Variants in TAF3 observed in about 807,000 individuals in gnomAD.
The protein encoded by TAF3 is TATA-box binding protein associated factor 3, also known as transcription initiation factor TFIID subunit 3.
Under a neutral mutation model 80.6 loss-of-function variants are expected in TAF3, and 7 were observed. The observed-to-expected ratio is 0.09, with a 90% CI of 0.05 to 0.16. TAF3 has a LOEUF of 0.16. Among genes scored for constraint, TAF3 ranks in the 10% least tolerant of loss-of-function variants. The probability of loss-of-function intolerance (pLI) is 1.00; values close to 1 mark genes in which losing one functional copy is unlikely to be tolerated. For missense variants in TAF3, 921 were observed against 1,140.2 expected, an observed-to-expected ratio of 0.81 and a Z score of 2.77; for synonymous variants, 444 against 446.1, an observed-to-expected ratio of 1.00 and a Z score of 0.06.
chr10:7,939,577 TACACACACACAC>T (rs71385681), intron 2 of TAF3, among the ~76,000 whole-genome samples: 114 of 139,302 alleles, frequency 8.2e-4, no homozygotes, highest in African/African-American at 1.3e-3. Flanking sequence ...AGAAGAAAAC[TACACACACACAC>T]ACACACACAC....
chr10:7,888,331 A>G (rs1243026966), intron 2 of TAF3, among the ~76,000 whole-genome samples: 4 of 152,108 alleles, frequency 2.6e-5, no homozygotes, highest in Non-Finnish European at 5.9e-5. Flanking sequence ...TGCACATAAT[A>G]TGATTCATTG....
intron 2 of TAF3, among the ~76,000 whole-genome samples, chr10:7,930,196 A>G (rs896973367): frequency 4.6e-5 from 7 of 152,216 alleles, no homozygotes; most frequent in Non-Finnish European, 7.3e-5. Flanking sequence ...GCACCCTCTC[A>G]AAACAAACAA....
chr10:7,940,728 G>A (rs1263149614), intron 2 of TAF3, among the ~76,000 whole-genome samples: 1 of 152,160 alleles, frequency 6.6e-6, no homozygotes, highest in Non-Finnish European at 1.5e-5. Flanking sequence ...GCTGAGATGG[G>A]AGGATCATTT....
intron 2 of TAF3, among the ~76,000 whole-genome samples, chr10:7,935,355 T>C (rs1837907377): frequency 6.6e-6 from 1 of 151,852 alleles, no homozygotes; most frequent in Non-Finnish European, 1.5e-5. Flanking sequence ...CTCAGCACTT[T>C]GGGAGGCCGA....
chr10:7,971,321 A>G (rs12782845), intron 3 of TAF3, among the ~76,000 whole-genome samples: 1 of 152,184 alleles, frequency 6.6e-6, no homozygotes, highest in African/African-American at 2.4e-5. Context: ...TCAGCATCCA[A>G]ATGTTAGGTT....
intron 2 of TAF3, among the ~76,000 whole-genome samples, chr10:7,845,243 A>C (rs1008387568): frequency 6.6e-6 from 1 of 151,778 alleles, no homozygotes; most frequent in African/African-American, 2.4e-5. Context: ...GAACTACCAA[A>C]AAAAAAAAAT....
chr10:7,924,430 A>T (rs924188294), intron 2 of TAF3, among the ~76,000 whole-genome samples: 1 of 152,068 alleles, frequency 6.6e-6, no homozygotes, highest in African/African-American at 2.4e-5. Flanking sequence ...TTCATTTGGG[A>T]GTTTGAAATT....
chr10:7,833,331 AT>A, intron 2 of TAF3, among the ~76,000 whole-genome samples: 1 of 152,288 alleles, frequency 6.6e-6, no homozygotes, highest in Non-Finnish European at 1.5e-5. Flanking sequence ...GTGTACAAGG[AT>A]TCCCCCTTTT....
At position 7,964,760 on chromosome 10, in the gene TAF3, G is replaced by A; in HGVS notation, c.1250G>A (p.Gly417Glu). The change falls in exon 3 of 7, where the codon GGA becomes GAA. Residue 417 changes from glycine to glutamate, a missense_variant. Around this residue, in one of 6 missense-constraint regions of TAF3, gnomAD observed 743 missense variants for 821.0 expected, o/e 0.90. Transcript: ENST00000344293. The surrounding 1 kb of genome is among the most constrained non-coding windows in gnomAD (Gnocchi z 4.1). ...FEFSSGSESE[G>E]DIFTSPKRIS... Reference sequence around the variant, plus strand: ...TTTTCTTCTGGATCGGAATCTGAAGGAGACATTTTTACTAGCCCTAAGAGA... The same window carrying A: ...TTTTCTTCTGGATCGGAATCTGAAGAAGACATTTTTACTAGCCCTAAGAGA... 6.2e-7 allele frequency: 1 copy of A among 1,614,146 alleles called. No individual in the cohort carries two copies. Among genetic ancestry groups the A allele is most frequent in the Non-Finnish European group, 8.5e-7 (1 of 1,180,028 alleles).
chr10:7,834,780 A>G (rs1478185004), intron 2 of TAF3, among the ~76,000 whole-genome samples: 2 of 152,186 alleles, frequency 1.3e-5, no homozygotes, highest in African/African-American at 4.8e-5. Flanking sequence ...ATTGCAACTG[A>G]TACTATCATT....
At chr10:7,869,169 TA>T (rs1167742143) in intron 2 of TAF3, among the ~76,000 whole-genome samples, 1 of 152,114 alleles carries the variant, frequency 6.6e-6, no homozygotes, top group Non-Finnish European at 1.5e-5. Flanking sequence ...AAAATGTAGA[TA>T]AAAAATGTTT....
intron 2 of TAF3, among the ~76,000 whole-genome samples, chr10:7,859,276 A>C (rs367676547): frequency 5.6e-5 from 5 of 88,938 alleles, no homozygotes; most frequent in African/African-American, 2.4e-4. Context: ...ATAAATAAAT[A>C]AATAAATAAA....
chr10:7,896,596 T>C (rs912254916), intron 2 of TAF3, among the ~76,000 whole-genome samples: 8 of 152,234 alleles, frequency 5.3e-5, no homozygotes, highest in African/African-American at 1.9e-4. Flanking sequence ...TTTAGCTAAG[T>C]TGCAGTAAGT....
intron 2 of TAF3, among the ~76,000 whole-genome samples, chr10:7,926,103 T>G (rs779191572): frequency 6.6e-6 from 1 of 152,170 alleles, no homozygotes; most frequent in Non-Finnish European, 1.5e-5. Flanking sequence ...ATATTGAAGA[T>G]CTCTGATCTT....
Position 7,964,453 on chromosome 10 carries a change from T to A in TAF3, c.943T>A (p.Ser315Thr), listed in dbSNP as rs878946002. ...VSKEKKSPGR[S>T]KSPKSPKSPK... ...CAAAGAAAAGAAATCACCTGGACGT[T>A]CCAAGAGCCCCAAGAGTCCCAAGAG... is the stretch of plus-strand genomic sequence containing the variant. Residue 315 changes from serine (S) to threonine (T), a missense_variant, in exon 3 of 7, where the codon TCC becomes ACC. Coordinates refer to ENST00000344293, the MANE Select transcript of TAF3 (RefSeq NM_031923.4). The surrounding 1 kb of genome is among the most constrained non-coding windows in gnomAD (Gnocchi z 4.1). 1 of 1,613,712 alleles carries A rather than the reference T, an allele frequency of 6.2e-7. No individual in the cohort carries two copies. The highest frequency in any genetic ancestry group is 1.3e-5 in the African/African-American group (1 of 74,850).
At chr10:7,867,759 C>A (rs1837227371) in intron 2 of TAF3, among the ~76,000 whole-genome samples, 1 of 152,180 alleles carries the variant, frequency 6.6e-6, no homozygotes, top group East Asian at 1.9e-4. Context: ...ACAAAGTTGA[C>A]CCTTGAACAA....
chr10:7,948,188 G>A (rs1284094417), intron 2 of TAF3, among the ~76,000 whole-genome samples: 3 of 151,050 alleles, frequency 2.0e-5, no homozygotes, highest in African/African-American at 4.9e-5. Context: ...CCAGCCTCCC[G>A]AGTAGCTGGG....
In TAF3 at chr10:8,009,349, C is replaced by A; in HGVS notation, c.2568+19C>A. The A allele has an allele frequency of 6.3e-7, 1 of 1,585,104 alleles. No homozygotes were observed. The highest frequency in any genetic ancestry group is 8.6e-7 in the Non-Finnish European group (1 of 1,165,632). ...CTACGTGGTGCGTACCTGCCGCCCG[C>A]GCGGTTAGCATGGAGACGTTTTCAG... On this transcript the variant is annotated intron_variant, in intron 5 of 6. Transcript: ENST00000344293. The surrounding 1 kb of genome is among the most constrained non-coding windows in gnomAD (Gnocchi z 4.1).
chr10:7,852,021 C>T (rs974726147), intron 2 of TAF3, among the ~76,000 whole-genome samples: 2 of 151,804 alleles, frequency 1.3e-5, no homozygotes, highest in Non-Finnish European at 2.9e-5. Flanking sequence ...CGGGCTCAAA[C>T]GATCCTTCCA....
Sources: gnomAD v4.1 joint callset for allele counts (sites outside exome capture counted in the v4.1 genomes callset) on GRCh38, gnomAD v4.1.1 for gene constraint, gnomAD v4.1.1 regional missense constraint, Gnocchi (gnomAD v3.1) non-coding constraint, MANE v1.5 for transcripts, NCBI Gene and HGNC (gene_info 2026-07-23, HGNC 2026-07-21) for gene names.